The following TRAF2 variants were observed in gnomAD, a reference collection of about 807,000 sequenced individuals.
TRAF2 encodes TNF receptor-associated factor 2.
Under a neutral mutation model 55.6 loss-of-function variants are expected in TRAF2, and 6 were observed. That is an observed-to-expected ratio of 0.11 (90% CI 0.06 to 0.21). TRAF2 has a LOEUF of 0.21. Among genes scored for constraint, TRAF2 ranks in the 10% least tolerant of loss-of-function variants. TRAF2 has a pLI of 1.00. For synonymous variants in TRAF2, 329 were observed against 276.3 expected (o/e 1.19, Z -1.89); for missense variants, 561 against 684.5 (o/e 0.82, Z 2.01).
intron 1 of TRAF2, among the ~76,000 whole-genome samples, chr9:136,893,013 G>A (rs530705324): frequency 1.3e-5 from 2 of 152,134 alleles, no homozygotes; most frequent in African/African-American, 2.4e-5. Flanking sequence ...TTTTAGTGAC[G>A]TACATGTATG....
rs1849576286 is a variant in TRAF2, at chr9:136,891,336, C to G, written c.-29+4795C>G. 2.0e-5 allele frequency among the ~76,000 whole-genome samples: 3 copies of G among 151,770 alleles called. No individual in the cohort carries two copies. The South Asian group carries it at 6.2e-4, about 32-fold the overall frequency. ...TGTTGGCCAGCCTGGTCTTGAACTC[C>G]TGACCTCATGATCCGCCCGCCTCGG... On this transcript the variant is annotated intron_variant, in intron 1 of 10. Transcript: ENST00000247668.
intron 3 of TRAF2, among the ~76,000 whole-genome samples, chr9:136,900,011 C>A (rs924924196): frequency 2.4e-4 from 36 of 152,016 alleles, no homozygotes; most frequent in Admixed American, 1.8e-3. Context: ...ACCAGAAATA[C>A]AAAAAATTAG....
intron 6 of TRAF2, among the ~76,000 whole-genome samples, chr9:136,913,855 G>A (rs771251635): frequency 1.3e-5 from 2 of 152,038 alleles, no homozygotes; most frequent in African/African-American, 2.4e-5. Flanking sequence ...CGGTGACCAT[G>A]CTCCCAGGGC....
upstream of TRAF2, chr9:136,886,456 G>A: frequency 9.9e-7 from 1 of 1,005,870 alleles, no homozygotes; most frequent in Non-Finnish European, 1.2e-6. Flanking sequence ...TCCGTCAGGC[G>A]CACGCGGCGG....
At chr9:136,911,179 C>G (rs780400555) in intron 6 of TRAF2, among the ~76,000 whole-genome samples, 1 of 151,928 alleles carries the variant, frequency 6.6e-6, no homozygotes, top group Non-Finnish European at 1.5e-5. Flanking sequence ...CCACGCAGCG[C>G]GGTGGTGTCT....
intron 1 of TRAF2, among the ~76,000 whole-genome samples, chr9:136,898,011 A>C (rs368184985): frequency 1.3e-5 from 1 of 78,496 alleles, no homozygotes; most frequent in East Asian, 4.5e-4. Flanking sequence ...CCAGCCTCAG[A>C]TGTGCTACGT....
chr9:136,884,982 A>G (rs1033458510), upstream of TRAF2, among the ~76,000 whole-genome samples: 1 of 152,190 alleles, frequency 6.6e-6, no homozygotes, highest in Non-Finnish European at 1.5e-5. Context: ...GAGCAACCTC[A>G]CTGAGCCTGC....
In TRAF2 at chr9:136,923,836, C is replaced by T; in HGVS notation, c.1139-16C>T. On this transcript the variant is annotated splice_polypyrimidine_tract_variant and intron_variant, in intron 9 of 10. Transcript: ENST00000247668. ...GCTGAGTGTCAGCTCACCAGGCACC[C>T]CTCCTGCCTCCCCAGCCTTCTACAC... The T allele has an allele frequency of 1.2e-6, 2 of 1,611,956 alleles. No homozygotes were observed. Among genetic ancestry groups the T allele is most frequent in the Non-Finnish European group, 1.7e-6 (2 of 1,179,072 alleles).
At chr9:136,916,482 G>C in intron 6 of TRAF2, 59 bp from the exon 7 acceptor site, 1 of 1,551,088 alleles carries the variant, frequency 6.4e-7, no homozygotes. Flanking sequence ...GGTCCATGTG[G>C]AAGTGCTGAA....
At chr9:136,885,884 G>C (rs900735639), upstream of TRAF2, among the ~76,000 whole-genome samples, 18 of 152,364 alleles carry the variant, frequency 1.2e-4, no homozygotes, top group African/African-American at 4.1e-4. Flanking sequence ...AGACCCCATA[G>C]CCTTAATACC....
At chr9:136,909,715 GAACA>G (rs1391024347) in intron 5 of TRAF2, among the ~76,000 whole-genome samples, 11 of 152,216 alleles carry the variant, frequency 7.2e-5, no homozygotes, top group Non-Finnish European at 1.3e-4. Context: ...TGAGCTGGCA[GAACA>G]AACAAAGCGT....
chr9:136,897,769 G>T (rs1472586016), intron 1 of TRAF2, among the ~76,000 whole-genome samples: 2 of 144,202 alleles, frequency 1.4e-5, no homozygotes, highest in Non-Finnish European at 3.0e-5. Context: ...TAGCTAAAGG[G>T]AGTGCACTAG....
chr9:136,885,281 G>A (rs118155735), upstream of TRAF2, among the ~76,000 whole-genome samples: 64 of 152,274 alleles, frequency 4.2e-4, 1 homozygote, highest in East Asian at 0.012. Context: ...TGAATGCTTG[G>A]AGGAGACTTA....
Position 136,926,000 on chromosome 9 carries a change from A to AG in TRAF2, c.*103dup. The stretch of plus-strand genomic sequence containing the variant: ...CCAGGGTCTCACTGTACAAGTGGGC[A>AG]GGGGCCGCGCTTGGGCGCTTGGGAG... On this transcript the variant is annotated 3_prime_UTR_variant, in exon 11 of 11. Coordinates refer to ENST00000247668, the MANE Select transcript of TRAF2 (RefSeq NM_021138.4). 2.0e-6 allele frequency: 3 copies of AG among 1,463,564 alleles called. No homozygotes were observed. The highest frequency in any genetic ancestry group is 2.8e-6 in the Non-Finnish European group (3 of 1,055,724). 90.7% of individuals were successfully genotyped at this position (1,463,564 alleles called of 1,614,324 possible).
chr9:136,886,509 G>C (rs1588412825), upstream of TRAF2: 1 of 998,200 alleles, frequency 1.0e-6, no homozygotes, highest in African/African-American at 1.7e-5. Context: ...TAGCTGGGCG[G>C]GCCCTTAGTT....
Position 136,923,919 on chromosome 9 carries a change from G to A in TRAF2, c.1206G>A (p.Gly402=), listed in dbSNP as rs570460560. The A allele has an allele frequency of 7.4e-6, 12 of 1,614,042 alleles. No homozygotes were observed. In the South Asian group the frequency reaches 1.1e-4, roughly 15 times the overall value. ...LRIYLNGDGT[G]RGTHLSLFFV... ...TCTACCTGAACGGCGACGGCACCGG[G>A]CGAGGAACACACCTGTCCCTCTTCT... The change falls in exon 10 of 11, where the codon GGG becomes GGA. Residue 402 remains glycine (G), a synonymous_variant. Coordinates refer to ENST00000247668, the MANE Select transcript of TRAF2 (RefSeq NM_021138.4).
At chr9:136,900,569 AGTC>A in intron 4 of TRAF2, 49 bp downstream of exon 4, 1 of 1,495,478 alleles carries the variant, frequency 6.7e-7, no homozygotes, top group Non-Finnish European at 9.3e-7. Flanking sequence ...AGCAGTCGGG[AGTC>A]GTCCACGCTC....
intron 2 of TRAF2, among the ~76,000 whole-genome samples, chr9:136,899,307 C>G (rs369808302): frequency 6.6e-6 from 1 of 152,214 alleles, no homozygotes; most frequent in Non-Finnish European, 1.5e-5. Context: ...CTGTGCACAT[C>G]GGCAGCAGCT....
chr9:136,886,202 C>T, upstream of TRAF2: 1 of 165,218 alleles, frequency 6.1e-6, no homozygotes, highest in Non-Finnish European at 1.3e-5. Flanking sequence ...AGCGCGGACC[C>T]CACAGCGCAG....
Sources: gnomAD v4.1 joint callset for allele counts (sites outside exome capture counted in the v4.1 genomes callset) on GRCh38, gnomAD v4.1.1 for gene constraint, MANE v1.5 for transcripts, NCBI Gene and HGNC (gene_info 2026-07-23, HGNC 2026-07-21) for gene names.